Variants in IQCM observed in about 807,000 individuals in gnomAD.
The protein encoded by IQCM is IQ domain-containing protein M.
IQCM carries 45 observed loss-of-function variants against 57.6 expected under a neutral mutation model. The observed-to-expected ratio is 0.78, with a 90% confidence interval of 0.62 to 1.00. IQCM has a LOEUF of 1.00. Among genes scored for constraint, IQCM ranks in the 50% least tolerant of loss-of-function variants. The probability of loss-of-function intolerance (pLI) is 0.00; values close to 1 mark genes in which losing one functional copy is unlikely to be tolerated. For synonymous variants in IQCM, 148 were observed against 158.9 expected, an observed-to-expected ratio of 0.93 and a Z score of 0.51; for missense variants, 468 against 511.6, an observed-to-expected ratio of 0.91 and a Z score of 0.82.
intron 13 of IQCM, among the ~76,000 whole-genome samples, chr4:149,389,126 T>G (rs1049518490): frequency 6.6e-6 from 1 of 151,984 alleles, no homozygotes; most frequent in Non-Finnish European, 1.5e-5. Flanking sequence ...TTCACCCTTA[T>G]GGTTATGCAT....
intron 3 of IQCM, 59 bp from the exon 4 acceptor site, chr4:149,735,517 G>T: frequency 1.4e-6 from 1 of 733,788 alleles, no homozygotes; most frequent in Non-Finnish European, 1.9e-6. Flanking sequence ...AATTTTACAA[G>T]TTGACATTAT....
chr4:149,657,746 T>C (rs752404347), intron 7 of IQCM, among the ~76,000 whole-genome samples: 1 of 152,140 alleles, frequency 6.6e-6, no homozygotes, highest in Non-Finnish European at 1.5e-5. Flanking sequence ...ATTTATGTTT[T>C]CTTGACGATT....
At chr4:149,623,687 T>C (rs1756543579) in intron 7 of IQCM, among the ~76,000 whole-genome samples, 1 of 151,910 alleles carries the variant, frequency 6.6e-6, no homozygotes, top group Non-Finnish European at 1.5e-5. Context: ...TCACAGATAA[T>C]GACACATAGA....
intron 7 of IQCM, among the ~76,000 whole-genome samples, chr4:149,647,037 T>C (rs1158517269): frequency 6.6e-6 from 1 of 152,158 alleles, no homozygotes; most frequent in East Asian, 1.9e-4. Context: ...ATTTGTCTTT[T>C]CTCTTTTGCC....
chr4:149,484,960 A>C (rs1741309991), intron 12 of IQCM, among the ~76,000 whole-genome samples: 1 of 152,100 alleles, frequency 6.6e-6, no homozygotes, highest in Non-Finnish European at 1.5e-5. Flanking sequence ...TTTTCACCAA[A>C]TATACTAATC....
intron 13 of IQCM, among the ~76,000 whole-genome samples, chr4:149,360,573 C>A (rs1457326945): frequency 5.9e-5 from 9 of 152,060 alleles, no homozygotes; most frequent in Non-Finnish European, 1.3e-4. Context: ...GGGGAGGTAA[C>A]TGAATCATGG....
chr4:149,435,693 G>A (rs1471490660), intron 12 of IQCM, among the ~76,000 whole-genome samples: 1 of 151,956 alleles, frequency 6.6e-6, no homozygotes, highest in Non-Finnish European at 1.5e-5. Flanking sequence ...AGATTTTACA[G>A]TGGGACAAGA....
intron 8 of IQCM, among the ~76,000 whole-genome samples, chr4:149,595,980 G>C (rs1449549257): frequency 2.0e-5 from 3 of 152,108 alleles, no homozygotes; most frequent in Non-Finnish European, 2.9e-5. Flanking sequence ...ATTCAGATTA[G>C]GAAAGACTGG....
At chr4:149,484,141 A>G (rs1477963327) in intron 12 of IQCM, among the ~76,000 whole-genome samples, 1 of 151,860 alleles carries the variant, frequency 6.6e-6, no homozygotes, top group Non-Finnish European at 1.5e-5. Context: ...TTCCATTGGC[A>G]TGGAATATCT....
chr4:149,745,132 C>T (rs1188096992), intron 2 of IQCM, among the ~76,000 whole-genome samples: 6 of 152,076 alleles, frequency 3.9e-5, no homozygotes, highest in African/African-American at 1.2e-4. Flanking sequence ...GAATGCCTAA[C>T]TTAAGAGCAG....
intron 5 of IQCM, among the ~76,000 whole-genome samples, chr4:149,721,616 C>T (rs1189475619): frequency 1.3e-5 from 2 of 152,030 alleles, no homozygotes; most frequent in Non-Finnish European, 2.9e-5. Context: ...CTGCAAAAGA[C>T]ATTATTCTGT....
intron 12 of IQCM, among the ~76,000 whole-genome samples, chr4:149,486,268 T>C (rs1741498621): frequency 6.6e-6 from 1 of 152,122 alleles, no homozygotes; most frequent in South Asian, 2.1e-4. Flanking sequence ...GAGATGTTAT[T>C]TGGAGTCCAG....
At chr4:149,539,520 C>A (rs1289199357) in intron 12 of IQCM, among the ~76,000 whole-genome samples, 1 of 152,106 alleles carries the variant, frequency 6.6e-6, no homozygotes, top group African/African-American at 2.4e-5. Flanking sequence ...TGAATCCTTA[C>A]AATGGGTGAA....
chr4:149,602,144 T>C (rs72726151), intron 8 of IQCM, among the ~76,000 whole-genome samples: 3,184 of 152,134 alleles, frequency 0.021, 54 homozygotes, highest in Middle Eastern at 0.044. Flanking sequence ...TAAAAACTAT[T>C]TACATGCTAT....
chr4:149,592,776 G>A (rs1185347741), intron 8 of IQCM, among the ~76,000 whole-genome samples: 8 of 152,000 alleles, frequency 5.3e-5, no homozygotes, highest in Non-Finnish European at 1.0e-4. Context: ...TAGATGGGTG[G>A]TATTATTTCT....
chr4:149,775,755 T>C (rs994052717), intron 2 of IQCM, among the ~76,000 whole-genome samples: 1 of 152,202 alleles, frequency 6.6e-6, no homozygotes, highest in East Asian at 1.9e-4. Flanking sequence ...GCCAAGATAA[T>C]GATGTTCACT....
intron 7 of IQCM, among the ~76,000 whole-genome samples, chr4:149,669,664 G>T (rs1761072310): frequency 6.6e-6 from 1 of 152,150 alleles, no homozygotes; most frequent in African/African-American, 2.4e-5. Flanking sequence ...TAAGGTGTAA[G>T]GAAGGGATCC....
chr4:149,815,221 CAT>C (rs1200011950), intron 2 of IQCM, 88 bp downstream of exon 2: 1 of 151,900 alleles, frequency 6.6e-6, no homozygotes, highest in Non-Finnish European at 1.5e-5. Flanking sequence ...ACTGAAGGCA[CAT>C]GAGGATGCAA....
intron 2 of IQCM, among the ~76,000 whole-genome samples, chr4:149,791,347 T>C (rs1772591590): frequency 6.6e-6 from 1 of 152,220 alleles, no homozygotes; most frequent in South Asian, 2.1e-4. Flanking sequence ...TATTTTGATA[T>C]AAGCATATGT....
Sources: allele counts gnomAD v4.1 joint callset (sites outside exome capture counted in the v4.1 genomes callset), GRCh38; gene constraint gnomAD v4.1.1; transcripts MANE v1.5; gene names NCBI Gene and HGNC (gene_info 2026-07-23, HGNC 2026-07-21).